The following ATP10B variants were observed in gnomAD, a reference collection of about 807,000 sequenced individuals.
ATP10B encodes the protein ATPase phospholipid transporting 10B (putative), also known as phospholipid-transporting ATPase VB.
A neutral mutation model predicts 141.2 loss-of-function variants in ATP10B; 122 were observed. The observed-to-expected ratio is 0.86, with a 90% confidence interval of 0.75 to 1.00. The LOEUF (loss-of-function observed/expected upper bound fraction) is 1.00. ATP10B is among the 50% of genes least tolerant of loss of function. The pLI is 0.00. For missense variants in ATP10B, 1,876 were observed against 1,825.3 expected (o/e 1.03, Z -0.51); for synonymous variants, 685 against 692.0 (o/e 0.99, Z 0.16).
At chr5:160,684,394 G>A (rs905163757) in intron 6 of ATP10B, among the ~76,000 whole-genome samples, 8 of 152,142 alleles carry the variant, frequency 5.3e-5, no homozygotes, top group Non-Finnish European at 8.8e-5. Flanking sequence ...CTAAAGTCAG[G>A]CAGTTAGTAA....
chr5:160,771,788 A>G (rs185550771), intron 2 of ATP10B, among the ~76,000 whole-genome samples: 15 of 152,332 alleles, frequency 9.8e-5, no homozygotes, highest in Non-Finnish European at 1.5e-4. Context: ...AGAAAAATGT[A>G]TCTGTGGTAG....
intron 1 of ATP10B, among the ~76,000 whole-genome samples, chr5:160,808,933 T>G (rs1772963765): frequency 6.6e-6 from 1 of 152,184 alleles, no homozygotes; most frequent in Non-Finnish European, 1.5e-5. Flanking sequence ...TGTTCCATGC[T>G]TCTTCCCTGG....
chr5:160,761,384 ACATTCGCCAGCACCAGCCT>A (rs1769025083), intron 2 of ATP10B, among the ~76,000 whole-genome samples: 3 of 26,566 alleles, frequency 1.1e-4, no homozygotes, highest in Non-Finnish European at 2.0e-4. Flanking sequence ...CTCTTTGTAG[ACATTCGCCAGCACCAGCCT>A]ACATTCGCCA....
intron 16 of ATP10B, 69 bp from the exon 17 acceptor site, chr5:160,616,033 ACCTGCTGGGTCT>A: frequency 6.5e-7 from 1 of 1,541,258 alleles, no homozygotes; most frequent in Non-Finnish European, 8.8e-7. Flanking sequence ...CTCTCTTCCC[ACCTGCTGGGTCT>A]CCTATTGGCC....
chr5:160,841,121 T>C (rs1479868491), intron 1 of ATP10B, among the ~76,000 whole-genome samples: 1 of 152,210 alleles, frequency 6.6e-6, no homozygotes, highest in Non-Finnish European at 1.5e-5. Flanking sequence ...TATATATTTA[T>C]GAGGCTACTC....
chr5:160,904,851 CCTGA>C, the ATP10B span, among the ~76,000 whole-genome samples: 1 of 152,278 alleles, frequency 6.6e-6, no homozygotes, highest in East Asian at 1.9e-4. Flanking sequence ...TCACATGGTG[CCTGA>C]CTGTGAAGTG....
chr5:160,578,869 C>T (rs1229015305), intron 24 of ATP10B, among the ~76,000 whole-genome samples: 2 of 152,238 alleles, frequency 1.3e-5, no homozygotes, highest in South Asian at 2.1e-4. Context: ...TTTTAATGAT[C>T]GCCATTCTAA....
chr5:160,755,830 AAAAAAAAAATATATATATAT>A (rs1182625324), intron 2 of ATP10B, among the ~76,000 whole-genome samples: 10 of 68,664 alleles, frequency 1.5e-4, no homozygotes, highest in African/African-American at 7.1e-4. Flanking sequence ...AAAAAAAAAA[AAAAAAAAAATATATATATAT>A]ATATATATAT....
chr5:160,688,166 A>C (rs1343438245), intron 4 of ATP10B, 72 bp from the exon 5 acceptor site: 1 of 1,472,532 alleles, frequency 6.8e-7, no homozygotes, highest in Middle Eastern at 2.5e-4. Context: ...TTTCTCCCCC[A>C]TCCATGCAGG....
intron 3 of ATP10B, among the ~76,000 whole-genome samples, chr5:160,709,075 A>G (rs1765196875): frequency 1.3e-5 from 2 of 152,178 alleles, no homozygotes; most frequent in Admixed American, 6.5e-5. Context: ...CTCATATACC[A>G]ATGACAACAA....
At chr5:160,667,071 A>G (rs1345042284) in intron 7 of ATP10B, among the ~76,000 whole-genome samples, 2 of 152,120 alleles carry the variant, frequency 1.3e-5, no homozygotes, top group Non-Finnish European at 2.9e-5. Context: ...ACAAAAAATT[A>G]GCCGGGCGTG....
chr5:160,763,990 C>G (rs1769227409), intron 2 of ATP10B, among the ~76,000 whole-genome samples: 1 of 152,020 alleles, frequency 6.6e-6, no homozygotes, highest in African/African-American at 2.4e-5. Context: ...ATATACAACC[C>G]TCTTAGATTA....
intron 6 of ATP10B, among the ~76,000 whole-genome samples, chr5:160,675,357 T>C (rs1201422896): frequency 6.6e-6 from 1 of 152,022 alleles, no homozygotes; most frequent in Non-Finnish European, 1.5e-5. Flanking sequence ...CGAGGAAAAT[T>C]AAGTGGTGCA....
At chr5:160,899,417 A>C in the ATP10B span, among the ~76,000 whole-genome samples, 13 of 151,588 alleles carry the variant, frequency 8.6e-5, no homozygotes, top group African/African-American at 2.9e-4. Flanking sequence ...ATGAGGAACT[A>C]AAAAGGGGTA....
In ATP10B at chr5:160,565,297, C is replaced by G; in HGVS notation, c.*156G>C. 8.1e-6 allele frequency: 6 copies of G among 744,858 alleles called. No homozygotes were observed. The highest frequency in any genetic ancestry group is 1.1e-5 in the Non-Finnish European group (5 of 461,054). 46.1% of individuals were successfully genotyped at this position (744,858 alleles called of 1,614,324 possible). On this transcript the variant is annotated 3_prime_UTR_variant, in exon 26 of 26. Transcript: ENST00000327245. ...TGGGTTTCCCGTCTTTGTGTCAGAC[C>G]CCTTGGGGCCAGCACTTCCTCCATG...
intron 22 of ATP10B, among the ~76,000 whole-genome samples, chr5:160,597,638 C>T (rs1381882263): frequency 2.6e-5 from 4 of 151,934 alleles, no homozygotes; most frequent in Non-Finnish European, 2.9e-5. Context: ...ATTTTTGCAA[C>T]CTACTCATCT....
At chr5:160,569,745 C>G in intron 24 of ATP10B, 62 bp from the exon 25 acceptor site, 3 of 1,300,448 alleles carry the variant, frequency 2.3e-6, no homozygotes, top group Non-Finnish European at 2.1e-6. Context: ...GCAGGGTGAT[C>G]AAACTACTTG....
Position 160,606,859 on chromosome 5 carries a change from A to G in ATP10B, c.3066T>C (p.Cys1022=), listed in dbSNP as rs778864545. The G allele has an allele frequency of 9.3e-6, 15 of 1,614,040 alleles. 1 individual carries two copies. The South Asian group carries it at 1.2e-4, about 13-fold the overall frequency. ...TGGAGCGGCAGCACAGGACGGACCGACAATACTGGGTCAATTCCAGAAACT... is the reference window on the plus strand; with the variant it reads ...TGGAGCGGCAGCACAGGACGGACCGGCAATACTGGGTCAATTCCAGAAACT... ...EKKFLELTQY[C]RSVLCCRSTP... is the part of the protein sequence containing the mutation. Residue 1022 remains cysteine, a synonymous_variant, in exon 19 of 26, where the codon TGT becomes TGC. Coordinates refer to ENST00000327245, the MANE Select transcript of ATP10B (RefSeq NM_025153.3).
chr5:160,904,835 G>A, the ATP10B span, among the ~76,000 whole-genome samples: 3 of 152,312 alleles, frequency 2.0e-5, no homozygotes, highest in African/African-American at 4.8e-5. Context: ...ATAAGACAGC[G>A]TGGCTTCACA....
Sources: gnomAD v4.1 joint callset for allele counts (sites outside exome capture counted in the v4.1 genomes callset) on GRCh38, gnomAD v4.1.1 for gene constraint, MANE v1.5 for transcripts, NCBI Gene and HGNC (gene_info 2026-07-23, HGNC 2026-07-21) for gene names.